EIF4G3: variants seen among roughly 807,000 people sequenced by gnomAD.
EIF4G3 encodes the protein eIF-4-gamma 3.
A neutral mutation model predicts 186.4 loss-of-function variants in EIF4G3; 34 were observed. The observed-to-expected ratio is 0.18, with a 90% CI of 0.14 to 0.24. The LOEUF is 0.24. EIF4G3 is among the 10% of genes least tolerant of loss of function. The probability of loss-of-function intolerance (pLI) is 1.00; values close to 1 mark genes in which losing one functional copy is unlikely to be tolerated. For missense variants in EIF4G3, 1,536 were observed against 1,948.5 expected, an observed-to-expected ratio of 0.79 and a Z score of 3.99; for synonymous variants, 673 against 679.5, an observed-to-expected ratio of 0.99 and a Z score of 0.15.
intron 2 of EIF4G3, among the ~76,000 whole-genome samples, chr1:21,162,359 GA>G (rs2097780647): frequency 1.3e-5 from 2 of 150,712 alleles, no homozygotes; most frequent in Non-Finnish European, 2.9e-5. Flanking sequence ...TGAAGCAGGA[GA>G]ATCATTTGAA....
intron 3 of EIF4G3, among the ~76,000 whole-genome samples, chr1:21,058,430 A>C (rs760887935): frequency 6.6e-6 from 1 of 152,212 alleles, no homozygotes; most frequent in Non-Finnish European, 1.5e-5. Context: ...CTACAAGCCA[A>C]ATAAACCATA....
chr1:21,176,457 G>T (rs989227254), intron 1 of EIF4G3, 99 bp from the exon 2 acceptor site: 3 of 172,004 alleles, frequency 1.7e-5, no homozygotes, highest in Non-Finnish European at 3.6e-5. Flanking sequence ...GGGGCCGGGG[G>T]CAGCGGGGGG....
intron 18 of EIF4G3, among the ~76,000 whole-genome samples, chr1:20,892,374 G>A (rs947190764): frequency 6.6e-6 from 1 of 152,188 alleles, no homozygotes; most frequent in African/African-American, 2.4e-5. Flanking sequence ...GGAGTAGGCA[G>A]AGCCTGCCGA....
intron 12 of EIF4G3, 102 bp from the exon 13 acceptor site, chr1:20,950,213 T>A: frequency 1.4e-6 from 1 of 702,840 alleles, no homozygotes; most frequent in Non-Finnish European, 2.2e-6. Context: ...GCACAGGAGA[T>A]CACAAAATTA....
At chr1:20,889,154 C>A in intron 18 of EIF4G3, among the ~76,000 whole-genome samples, 1 of 152,172 alleles carries the variant, frequency 6.6e-6, no homozygotes, top group East Asian at 1.9e-4. Context: ...ATACCCATCT[C>A]CGTTTTGCAA....
At chr1:21,165,835 T>C (rs1234837482) in intron 2 of EIF4G3, among the ~76,000 whole-genome samples, 1 of 152,126 alleles carries the variant, frequency 6.6e-6, no homozygotes, top group Non-Finnish European at 1.5e-5. Flanking sequence ...ATACGGTATG[T>C]GGATTACATC....
chr1:20,890,562 C>T (rs1397995404), intron 18 of EIF4G3, among the ~76,000 whole-genome samples: 1 of 152,066 alleles, frequency 6.6e-6, no homozygotes, highest in Non-Finnish European at 1.5e-5. Flanking sequence ...CTCAGGCAAT[C>T]CTCCCACCTC....
At chr1:21,011,136 T>C (rs1290822815) in intron 4 of EIF4G3, among the ~76,000 whole-genome samples, 2 of 151,330 alleles carry the variant, frequency 1.3e-5, no homozygotes, top group African/African-American at 4.9e-5. Flanking sequence ...TACATATACT[T>C]AGTGAAAACC....
intron 3 of EIF4G3, among the ~76,000 whole-genome samples, chr1:21,087,179 A>G (rs1417159565): frequency 6.6e-6 from 1 of 152,166 alleles, no homozygotes; most frequent in Non-Finnish European, 1.5e-5. Flanking sequence ...AAGGTATCCT[A>G]TCTATATCCA....
chr1:21,017,243 A>G (rs910305869), intron 4 of EIF4G3, among the ~76,000 whole-genome samples: 1 of 152,198 alleles, frequency 6.6e-6, no homozygotes, highest in Non-Finnish European at 1.5e-5. Flanking sequence ...TTCCACTTCT[A>G]TGAGGTACCG....
At chr1:20,842,543 T>A (rs2069048671) in intron 29 of EIF4G3, among the ~76,000 whole-genome samples, 1 of 152,146 alleles carries the variant, frequency 6.6e-6, no homozygotes. Flanking sequence ...AATTTTGTAT[T>A]TTTAGTAGAG....
intron 14 of EIF4G3, among the ~76,000 whole-genome samples, chr1:20,926,559 T>A (rs1375558183): frequency 2.0e-5 from 3 of 151,880 alleles, no homozygotes; most frequent in African/African-American, 7.3e-5. Context: ...TGGTTCCAGC[T>A]ACTCAGGTGG....
At chr1:20,933,728 G>C (rs548903632) in intron 14 of EIF4G3, among the ~76,000 whole-genome samples, 2 of 152,280 alleles carry the variant, frequency 1.3e-5, no homozygotes, top group African/African-American at 2.4e-5. Context: ...GGACTCAAAA[G>C]GGAGGTTCGT....
Position 21,098,558 on chromosome 1 carries a change from AAAAAAG to A in EIF4G3, c.-271-9351_-271-9346del, listed in dbSNP as rs1180136888. ...CTGTCTCGAAAAAAAAAAAAAAAAA[AAAAAAG>A]AAGAAGAAGAAGAAGAAGAAAGAAA... On this transcript the variant is annotated intron_variant, in intron 2 of 36. Transcript: ENST00000602326. 6.0e-3 allele frequency among the ~76,000 whole-genome samples: 837 copies of A among 139,326 alleles called. 1 individual carries two copies. Among genetic ancestry groups the A allele is most frequent in the East Asian group, 0.016 (60 of 3,730 alleles). 91.4% of individuals were successfully genotyped at this position (139,326 alleles called of 152,430 possible). A position where few individuals can be genotyped will look rare whatever the true frequency, so the allele number is the denominator to read the frequency against.
chr1:21,121,224 CTAGTAGACAT>C (rs1210662207), intron 2 of EIF4G3, among the ~76,000 whole-genome samples: 2 of 152,218 alleles, frequency 1.3e-5, no homozygotes, highest in East Asian at 3.9e-4. Context: ...ACCCTGGCAC[CTAGTAGACAT>C]TAGTAGACAT....
intron 4 of EIF4G3, among the ~76,000 whole-genome samples, chr1:21,044,413 G>A (rs1360565886): frequency 6.6e-6 from 1 of 152,034 alleles, no homozygotes; most frequent in Non-Finnish European, 1.5e-5. Context: ...GGGGGCCATG[G>A]GGAGTGTAAA....
At chr1:21,096,452 G>A (rs565896780) in intron 2 of EIF4G3, among the ~76,000 whole-genome samples, 86 of 152,248 alleles carry the variant, frequency 5.6e-4, no homozygotes, top group Admixed American at 5.6e-3. Flanking sequence ...TGGACACATT[G>A]AAAACCCTGA....
intron 4 of EIF4G3, among the ~76,000 whole-genome samples, chr1:21,007,887 T>C (rs1042115964): frequency 3.9e-5 from 6 of 152,232 alleles, no homozygotes; most frequent in African/African-American, 1.2e-4. Context: ...TTATTTTATA[T>C]ACTTCTGTAT....
intron 7 of EIF4G3, among the ~76,000 whole-genome samples, chr1:20,989,061 G>A (rs552617478): frequency 3.1e-4 from 11 of 35,674 alleles, no homozygotes; most frequent in African/African-American, 8.2e-4. Context: ...AGGAGAGGAG[G>A]GGAGGGGAGG....
Sources: gnomAD v4.1 joint callset for allele counts (sites outside exome capture counted in the v4.1 genomes callset) on GRCh38, gnomAD v4.1.1 for gene constraint, MANE v1.5 for transcripts, NCBI Gene and HGNC (gene_info 2026-07-23, HGNC 2026-07-21) for gene names.